Variants in ZMAT4 observed in about 807,000 individuals in gnomAD.
The protein encoded by ZMAT4 is zinc finger matrin-type protein 4.
Under a neutral mutation model 28.7 loss-of-function variants are expected in ZMAT4, and 17 were observed. The ratio of observed to expected loss-of-function variants is 0.59; its 90% CI spans 0.41 to 0.89. ZMAT4 has a LOEUF of 0.89. ZMAT4 is among the 40% of genes least tolerant of loss of function. The pLI is 0.00. For synonymous variants in ZMAT4, 117 were observed against 109.2 expected (o/e 1.07, Z -0.44); for missense variants, 240 against 283.8 (o/e 0.85, Z 1.11).
At chr8:40,621,074 C>T (rs1163811798) in intron 5 of ZMAT4, among the ~76,000 whole-genome samples, 1 of 152,202 alleles carries the variant, frequency 6.6e-6, no homozygotes, top group Admixed American at 6.5e-5. Flanking sequence ...CTGGTCTCTG[C>T]CCTTCTAGCC....
chr8:40,734,647 A>G (rs184515785), intron 3 of ZMAT4, among the ~76,000 whole-genome samples: 2 of 152,206 alleles, frequency 1.3e-5, no homozygotes, highest in Admixed American at 1.3e-4. Context: ...TGTTCTCCCA[A>G]CTCTCTGTAG....
intron 2 of ZMAT4, among the ~76,000 whole-genome samples, chr8:40,795,008 C>T (rs1814527291): frequency 6.6e-6 from 1 of 152,134 alleles, no homozygotes; most frequent in Non-Finnish European, 1.5e-5. Flanking sequence ...TCTGTCTTAG[C>T]TTAGGAACCT....
At chr8:40,611,214 G>A (rs1805782121) in intron 5 of ZMAT4, among the ~76,000 whole-genome samples, 1 of 151,996 alleles carries the variant, frequency 6.6e-6, no homozygotes, top group Admixed American at 6.6e-5. Context: ...ATCTATTCAG[G>A]GCAAAAATAC....
intron 6 of ZMAT4, among the ~76,000 whole-genome samples, chr8:40,539,223 A>G (rs753421804): frequency 1.9e-4 from 29 of 152,312 alleles, no homozygotes; most frequent in Admixed American, 4.6e-4. Context: ...AATGCTTGCT[A>G]CACATTAAAG....
chr8:40,619,075 C>T (rs555851339), intron 5 of ZMAT4, among the ~76,000 whole-genome samples: 43 of 152,088 alleles, frequency 2.8e-4, no homozygotes, highest in Non-Finnish European at 3.8e-4. Flanking sequence ...CAATTCCTGA[C>T]GCATCATTGG....
In ZMAT4 at chr8:40,853,460, G is replaced by A. The variant is rs558714651; in HGVS notation, c.-4-27780C>T. Among the ~76,000 whole-genome samples, 5 of 152,262 alleles carry A rather than the reference G, an allele frequency of 3.3e-5. No homozygotes were observed. In the South Asian group the frequency reaches 1.0e-3, roughly 32 times the overall value. On this transcript the variant is annotated intron_variant, in intron 1 of 6. Transcript: ENST00000297737. ...AATACCAGCTGCTCAGGAGGTTATG[G>A]CAGGAGAATCTCTTGAACCCAGGAG...
chr8:40,648,100 G>A (rs922953860), intron 5 of ZMAT4, among the ~76,000 whole-genome samples: 1 of 152,220 alleles, frequency 6.6e-6, no homozygotes, highest in Non-Finnish European at 1.5e-5. Flanking sequence ...CTGAGAGAAG[G>A]CGGCTTCAGA....
chr8:40,884,181 C>T (rs929264635), intron 1 of ZMAT4, among the ~76,000 whole-genome samples: 3 of 151,030 alleles, frequency 2.0e-5, no homozygotes, highest in African/African-American at 7.3e-5. Flanking sequence ...GGGTCCCCCA[C>T]CCCGCCTCAC....
intron 5 of ZMAT4, among the ~76,000 whole-genome samples, chr8:40,636,722 A>G (rs1015982383): frequency 6.6e-6 from 1 of 152,164 alleles, no homozygotes; most frequent in Non-Finnish European, 1.5e-5. Context: ...TCTGCAGGGA[A>G]GAGTTTGTCT....
At chr8:40,720,945 TTTTG>T (rs976713860) in intron 3 of ZMAT4, among the ~76,000 whole-genome samples, 1 of 148,684 alleles carries the variant, frequency 6.7e-6, no homozygotes. Context: ...GAAAGCTATT[TTTTG>T]TTTGTTTGTT....
intron 5 of ZMAT4, among the ~76,000 whole-genome samples, chr8:40,591,946 T>C (rs1804907511): frequency 6.7e-6 from 1 of 149,338 alleles, no homozygotes; most frequent in Non-Finnish European, 1.5e-5. Context: ...TCAAAATTAA[T>C]TACCTTAATT....
At chr8:40,775,265 G>C (rs967109302) in intron 2 of ZMAT4, among the ~76,000 whole-genome samples, 1 of 152,148 alleles carries the variant, frequency 6.6e-6, no homozygotes, top group African/African-American at 2.4e-5. Flanking sequence ...TACAGATCCC[G>C]TTGCGTTCCA....
At chr8:40,835,302 T>C (rs1030370067) in intron 1 of ZMAT4, among the ~76,000 whole-genome samples, 7 of 152,140 alleles carry the variant, frequency 4.6e-5, no homozygotes, top group Admixed American at 2.0e-4. Flanking sequence ...GAATAAAACA[T>C]GCTCCTTATG....
chr8:40,563,387 C>T (rs1331122028), intron 6 of ZMAT4, among the ~76,000 whole-genome samples: 2 of 152,188 alleles, frequency 1.3e-5, no homozygotes, highest in Non-Finnish European at 2.9e-5. Context: ...GCAGGAACCA[C>T]ACTGTTTGCT....
chr8:40,756,807 T>C (rs759088774), intron 3 of ZMAT4, among the ~76,000 whole-genome samples: 1 of 152,052 alleles, frequency 6.6e-6, no homozygotes, highest in Non-Finnish European at 1.5e-5. Flanking sequence ...AACTGATCAA[T>C]ATGTAACCTC....
At chr8:40,880,298 G>T (rs913838218) in intron 1 of ZMAT4, among the ~76,000 whole-genome samples, 1 of 151,880 alleles carries the variant, frequency 6.6e-6, no homozygotes, top group Non-Finnish European at 1.5e-5. Flanking sequence ...GAACCTGGGA[G>T]GCAGAGGTTG....
At chr8:40,893,262 C>T (rs988320456) in intron 1 of ZMAT4, among the ~76,000 whole-genome samples, 2 of 152,210 alleles carry the variant, frequency 1.3e-5, no homozygotes, top group African/African-American at 2.4e-5. Context: ...CGAGAGGATG[C>T]TCTGCAGGCT....
At chr8:40,822,490 C>G (rs1438406968) in intron 2 of ZMAT4, among the ~76,000 whole-genome samples, 1 of 152,156 alleles carries the variant, frequency 6.6e-6, no homozygotes, top group Non-Finnish European at 1.5e-5. Context: ...GAGACCCACT[C>G]CATAAGTCAC....
intron 5 of ZMAT4, among the ~76,000 whole-genome samples, chr8:40,590,341 T>C (rs1804847839): frequency 6.6e-6 from 1 of 151,782 alleles, no homozygotes; most frequent in South Asian, 2.1e-4. Context: ...CTAAATACTT[T>C]CTTAAATACA....
Sources: gnomAD v4.1 joint callset for allele counts (sites outside exome capture counted in the v4.1 genomes callset) on GRCh38, gnomAD v4.1.1 for gene constraint, MANE v1.5 for transcripts, NCBI Gene and HGNC (gene_info 2026-07-23, HGNC 2026-07-21) for gene names.